TRPM3: variants seen among roughly 807,000 people sequenced by gnomAD.
TRPM3 encodes transient receptor potential cation channel subfamily M member 3, also known as long transient receptor potential channel 3.
A neutral mutation model predicts 181.2 loss-of-function variants in TRPM3; 77 were observed. The observed-to-expected ratio is 0.42, with a 90% CI of 0.35 to 0.51. The LOEUF (loss-of-function observed/expected upper bound fraction) is 0.51, where lower values mean the gene tolerates loss of function less well. TRPM3 is among the 20% of genes least tolerant of loss of function. The pLI is 0.01. For synonymous variants in TRPM3, 745 were observed against 796.4 expected, an observed-to-expected ratio of 0.94 and a Z score of 1.09; for missense variants, 1,759 against 2,196.7, an observed-to-expected ratio of 0.80 and a Z score of 3.98.
intron 6 of TRPM3, among the ~76,000 whole-genome samples, chr9:70,803,321 A>G (rs1427878998): frequency 6.6e-6 from 1 of 152,156 alleles, no homozygotes; most frequent in Non-Finnish European, 1.5e-5. Context: ...GCTTCCAGAC[A>G]GTGTTGAAGG....
intron 8 of TRPM3, among the ~76,000 whole-genome samples, chr9:70,696,952 A>C (rs7048348): frequency 0.51 from 77,332 of 151,846 alleles, 20,574 homozygotes; most frequent in Non-Finnish European, 0.58. Context: ...TTATTTACAC[A>C]ATGCAGGGCC....
chr9:70,585,271 T>G (rs1022440664), intron 22 of TRPM3, among the ~76,000 whole-genome samples: 4 of 152,192 alleles, frequency 2.6e-5, no homozygotes, highest in African/African-American at 9.7e-5. Flanking sequence ...TTCACCCAGT[T>G]GGACTTTTCT....
rs568956701 is a variant in TRPM3 at position 71,040,033 on chromosome 9, A to T, written c.177+81145T>A. Among the ~76,000 whole-genome samples the T allele has an allele frequency of 4.6e-5, 7 of 152,246 alleles. No individual in the cohort carries two copies. In the South Asian group the frequency reaches 1.5e-3, roughly 32 times the overall value. On this transcript the variant is annotated intron_variant, in intron 1 of 25. Transcript: ENST00000677713. ...ATTTCATAGATGTTATGAAAAATCA[A>T]TTTTTTGTCATAATTTTTACATAAT...
intron 3 of TRPM3, among the ~76,000 whole-genome samples, chr9:70,855,588 C>T (rs1455694782): frequency 6.6e-6 from 1 of 152,180 alleles, no homozygotes; most frequent in African/African-American, 2.4e-5. Context: ...AAAAATGGAA[C>T]TATCATTGCT....
chr9:71,064,538 A>G (rs1014425686), intron 1 of TRPM3, among the ~76,000 whole-genome samples: 1 of 152,004 alleles, frequency 6.6e-6, no homozygotes, highest in African/African-American at 2.4e-5. Flanking sequence ...TTTATACTCA[A>G]GTTCTTATAT....
At chr9:70,654,823 T>C (rs1224458916) in intron 9 of TRPM3, among the ~76,000 whole-genome samples, 3 of 151,408 alleles carry the variant, frequency 2.0e-5, no homozygotes, top group Non-Finnish European at 4.4e-5. Flanking sequence ...GCTGGAACTA[T>C]AGGCACCTGC....
intron 1 of TRPM3, among the ~76,000 whole-genome samples, chr9:71,376,419 A>T (rs1244866198): frequency 6.6e-6 from 1 of 152,124 alleles, no homozygotes; most frequent in East Asian, 1.9e-4. Flanking sequence ...TTTCATAATT[A>T]TCAGTAAATG....
chr9:70,916,111 GA>G (rs1376490077), intron 1 of TRPM3, among the ~76,000 whole-genome samples: 7 of 152,226 alleles, frequency 4.6e-5, no homozygotes, highest in African/African-American at 1.7e-4. Flanking sequence ...GCTGAAGGAA[GA>G]AAAAGCTTTC....
intron 1 of TRPM3, among the ~76,000 whole-genome samples, chr9:71,425,204 A>C (rs2093842639): frequency 1.3e-5 from 2 of 152,084 alleles, no homozygotes; most frequent in African/African-American, 4.8e-5. Flanking sequence ...CATCCTAATT[A>C]ACATCATGTG....
chr9:71,382,520 C>G (rs1175127213), intron 1 of TRPM3, among the ~76,000 whole-genome samples: 3 of 152,078 alleles, frequency 2.0e-5, no homozygotes, highest in African/African-American at 4.8e-5. Context: ...AAAAACCAAA[C>G]CAACCAGTTC....
chr9:71,367,656 C>T (rs1005117886), intron 1 of TRPM3, among the ~76,000 whole-genome samples: 84 of 152,018 alleles, frequency 5.5e-4, no homozygotes, highest in African/African-American at 2.0e-3. Flanking sequence ...CTAAGCTCAT[C>T]GAAACCATCA....
chr9:71,253,457 A>T (rs924255992), intron 1 of TRPM3, among the ~76,000 whole-genome samples: 2 of 152,178 alleles, frequency 1.3e-5, no homozygotes, highest in African/African-American at 4.8e-5. Context: ...AACCATCATA[A>T]CACCACACAG....
intron 1 of TRPM3, among the ~76,000 whole-genome samples, chr9:70,891,517 C>T (rs1387052487): frequency 6.6e-6 from 1 of 152,134 alleles, no homozygotes; most frequent in Non-Finnish European, 1.5e-5. Context: ...GCAAGGGACC[C>T]TGTTTTTTGT....
At chr9:70,943,389 A>G (rs1445047891) in intron 1 of TRPM3, among the ~76,000 whole-genome samples, 1 of 152,260 alleles carries the variant, frequency 6.6e-6, no homozygotes, top group Admixed American at 6.5e-5. Context: ...AAATTTTGAC[A>G]CAAAGTGCTT....
chr9:70,963,775 T>G (rs776989139), intron 1 of TRPM3, among the ~76,000 whole-genome samples: 10 of 152,054 alleles, frequency 6.6e-5, no homozygotes, highest in Non-Finnish European at 1.3e-4. Context: ...TCTGCTATCT[T>G]GAAAGTGGGT....
At chr9:71,237,044 C>CAA (rs33929941) in intron 1 of TRPM3, among the ~76,000 whole-genome samples, 42,895 of 92,574 alleles carry the variant, frequency 0.46, 9,665 homozygotes, top group East Asian at 0.6. Flanking sequence ...AAGACTCCAT[C>CAA]AAAAAAAAAA....
chr9:71,425,056 G>C (rs548469295), intron 1 of TRPM3, among the ~76,000 whole-genome samples: 1 of 152,094 alleles, frequency 6.6e-6, no homozygotes, highest in East Asian at 1.9e-4. Flanking sequence ...TTTCCTGAAA[G>C]ACCTTCCACT....
Position 71,121,249 on chromosome 9 carries a change from G to C in TRPM3, c.106C>G (p.Pro36Ala). 1.2e-6 allele frequency: 2 copies of C among 1,614,134 alleles called. No individual in the cohort carries two copies. Among genetic ancestry groups the C allele is most frequent in the Middle Eastern group, 3.3e-4 (2 of 6,062 alleles). Residue 36 changes from proline (P) to alanine (A), a missense_variant, in exon 1 of 26, where the codon CCT (proline) becomes GCT (alanine). Pro to Ala is a conservative substitution (Grantham distance 27). Coordinates refer to ENST00000677713, the MANE Select transcript of TRPM3 (RefSeq NM_001366145.2). ...LEGVMNQADA[P>A]RPLNWTIRKL... ...CGGATGGTCCAGTTTAGGGGTCGAG[G>C]AGCATCAGCCTGATTCATGACCCCT... is the stretch of plus-strand genomic sequence containing the variant.
intron 1 of TRPM3, among the ~76,000 whole-genome samples, chr9:71,284,935 T>C (rs766100121): frequency 3.3e-5 from 5 of 152,222 alleles, no homozygotes; most frequent in Admixed American, 6.5e-5. Flanking sequence ...ACATTTTTTG[T>C]TCAAAATAAC....
Sources: gnomAD v4.1 joint callset for allele counts (sites outside exome capture counted in the v4.1 genomes callset) on GRCh38, gnomAD v4.1.1 for gene constraint, MANE v1.5 for transcripts, NCBI Gene and HGNC (gene_info 2026-07-23, HGNC 2026-07-21) for gene names.